The following FOLH1 variants were observed in gnomAD, a reference collection of about 807,000 sequenced individuals.
FOLH1 encodes folate hydrolase 1.
A neutral mutation model predicts 93.9 loss-of-function variants in FOLH1; 54 were observed. The observed-to-expected ratio is 0.57, with a 90% CI of 0.46 to 0.72. The LOEUF is 0.72. Ranked by LOEUF, FOLH1 falls within the 30% of genes least tolerant of loss-of-function variation. The pLI is 0.00. For synonymous variants in FOLH1, 249 were observed against 303.6 expected (o/e 0.82, Z 1.87); for missense variants, 571 against 892.5 (o/e 0.64, Z 4.59).
In FOLH1 at chr11:49,175,900, G is replaced by A. The variant is rs149023247; in HGVS notation, c.978C>T (p.Pro326=). ...DSSWRGSLKV[P]YNVGPGFTGN... ...CAGTAAAGCCAGGTCCAACATTGTA[G>A]GGCACTTTGAGACTTCCTCTCCAGC... Residue 326 remains proline (P), a synonymous_variant, in exon 8 of 19, where the codon CCC becomes CCT. Coordinates refer to ENST00000256999, the MANE Select transcript of FOLH1 (RefSeq NM_004476.3). 1.9e-6 allele frequency: 3 copies of A among 1,613,676 alleles called. No homozygotes were observed. The highest frequency in any genetic ancestry group is 1.3e-5 in the African/African-American group (1 of 74,970).
chr11:49,170,808 T>G (rs1800520492), intron 11 of FOLH1, among the ~76,000 whole-genome samples: 2 of 152,224 alleles, frequency 1.3e-5, no homozygotes, highest in Non-Finnish European at 2.9e-5. Context: ...GGCAAGATAT[T>G]CACTGAAAAG....
At position 49,145,133 on chromosome 11, in the gene FOLH1, T is replaced by C. The variant is rs1855730379; in HGVS notation, c.*1623A>G. Among the ~76,000 whole-genome samples the C allele has an allele frequency of 1.3e-5, 2 of 152,170 alleles. No individual in the cohort carries two copies. The highest frequency in any genetic ancestry group is 4.1e-4 in the South Asian group (2 of 4,836). ...AATACATTTTATTATTCACCAGTTA[T>C]CCAAATTTGGGTTATCCACTCCAAA... On this transcript the variant is annotated 3_prime_UTR_variant, in exon 19 of 19. Coordinates refer to ENST00000256999, the MANE Select transcript of FOLH1 (RefSeq NM_004476.3).
intron 3 of FOLH1, among the ~76,000 whole-genome samples, chr11:49,197,366 G>C (rs772286549): frequency 4.6e-5 from 7 of 152,140 alleles, no homozygotes; most frequent in Non-Finnish European, 1.0e-4. Flanking sequence ...TTAAATTTCA[G>C]TCTTAGAGTA....
chr11:49,171,418 A>T (rs1859268178), intron 10 of FOLH1, 141 bp from the exon 11 acceptor site: 1 of 1,190,938 alleles, frequency 8.4e-7, no homozygotes, highest in East Asian at 2.7e-5. Flanking sequence ...ATCTTTACTT[A>T]CGTAACTTTT....
At chr11:49,174,857 T>G in intron 9 of FOLH1, 35 bp downstream of exon 9, 1 of 1,511,830 alleles carries the variant, frequency 6.6e-7, no homozygotes. Context: ...TAACAGTTAC[T>G]TGATCAATAT....
At chr11:49,189,991 A>T (rs868854063) in intron 4 of FOLH1, among the ~76,000 whole-genome samples, 2 of 152,198 alleles carry the variant, frequency 1.3e-5, no homozygotes, top group Middle Eastern at 3.2e-3. Flanking sequence ...CCAATGTAAT[A>T]TTAATGCACT....
intron 17 of FOLH1, among the ~76,000 whole-genome samples, chr11:49,149,115 GT>G (rs1380580013): frequency 1.3e-5 from 2 of 151,994 alleles, no homozygotes; most frequent in East Asian, 1.9e-4. Context: ...CTGTCGTGGG[GT>G]GGGGTGAGGG....
chr11:49,169,244 G>T lies in FOLH1; in HGVS notation c.1323C>A (p.Leu441=), dbSNP rs761785897. 3.7e-6 allele frequency: 6 copies of T among 1,613,138 alleles called. No homozygotes were observed. In the South Asian group the frequency reaches 6.6e-5, roughly 18 times the overall value. Residue 441 remains leucine (L), a synonymous_variant, in exon 12 of 19, where the codon CTC becomes CTA. Transcript: ENST00000256999. ...TATAAGCCACGCCACGCTCTTGAAGGAGTCTTGAATTCTCCTATAATAAAA... is the reference window on the plus strand; with the variant it reads ...TATAAGCCACGCCACGCTCTTGAAGTAGTCTTGAATTCTCCTATAATAAAA... The part of the protein sequence containing the change: ...STEWAEENSR[L]LQERGVAYIN...
intron 1 of FOLH1, among the ~76,000 whole-genome samples, chr11:49,207,147 C>T (rs1864069923): frequency 6.6e-6 from 1 of 150,766 alleles, no homozygotes; most frequent in South Asian, 2.1e-4. Context: ...ACACTGAGGA[C>T]GAGATGCTTG....
intron 12 of FOLH1, among the ~76,000 whole-genome samples, chr11:49,167,025 CAAT>C (rs1467848584): frequency 5.0e-5 from 6 of 119,638 alleles, no homozygotes; most frequent in African/African-American, 7.7e-5. Flanking sequence ...TTCAAAACAA[CAAT>C]AACAACAACA....
rs2134897066 is a variant in FOLH1, at chr11:49,154,484, G to T, written c.1632C>A (p.Asn544Lys). 1 of 1,572,534 alleles carries T rather than the reference G, an allele frequency of 6.4e-7. No homozygotes were observed. Among genetic ancestry groups the T allele is most frequent in the East Asian group, 2.3e-5 (1 of 43,952 alleles). The change falls in exon 16 of 19, where the codon AAC becomes AAA. Residue 544 changes from asparagine to lysine, a missense_variant. Coordinates refer to ENST00000256999, the MANE Select transcript of FOLH1 (RefSeq NM_004476.3). ...GATACAGTGGATAGCCGCTGAATTT[G>T]TTTGTTTCCTACAGAAAAAACAACA... ...RARYTKNWET[N>K]KFSGYPLYHS... is the part of the protein sequence containing the mutation.
Position 49,148,707 on chromosome 11 carries a change from A to G in FOLH1, c.1995T>C (p.Asn665=), listed in dbSNP as rs764768918. 1.9e-6 allele frequency: 3 copies of G among 1,605,100 alleles called. No individual in the cohort carries two copies. The highest frequency in any genetic ancestry group is 1.7e-6 in the Non-Finnish European group (2 of 1,176,300). The change falls in exon 18 of 19, where the codon AAT becomes AAC. Residue 665 remains asparagine, a synonymous_variant. Coordinates refer to ENST00000256999, the MANE Select transcript of FOLH1 (RefSeq NM_004476.3). The stretch of plus-strand genomic sequence containing the variant: ...CTCTTTCCAGAAACATGAGTTGATC[A>G]TTCATCATTCTTAATACTATTGGGC... ...KSNPIVLRMM[N]DQLMFLERAF... is the part of the protein sequence containing the mutation.
chr11:49,161,750 G>A (rs149127356), intron 13 of FOLH1, among the ~76,000 whole-genome samples: 236 of 152,238 alleles, frequency 1.6e-3, no homozygotes, highest in African/African-American at 5.0e-3. Flanking sequence ...TGTTTTTGTC[G>A]TGGATGGTGA....
intron 12 of FOLH1, among the ~76,000 whole-genome samples, chr11:49,167,919 AAAACC>A (rs1858624250): frequency 1.2e-4 from 2 of 16,630 alleles, no homozygotes; most frequent in African/African-American, 4.1e-4. Flanking sequence ...CACACACAAA[AAAACC>A]AGAAAAAGAA....
At chr11:49,178,496 A>T (rs1007070954) in intron 7 of FOLH1, among the ~76,000 whole-genome samples, 1 of 152,234 alleles carries the variant, frequency 6.6e-6, no homozygotes, top group African/African-American at 2.4e-5. Flanking sequence ...ACAAGGAGGT[A>T]GACAAATAAC....
chr11:49,178,986 A>G (rs561740485), intron 7 of FOLH1, among the ~76,000 whole-genome samples: 1 of 152,350 alleles, frequency 6.6e-6, no homozygotes, highest in Admixed American at 6.5e-5. Flanking sequence ...AATCACTCAG[A>G]AGAAAATACA....
At chr11:49,187,001 T>C (rs1478989382) in intron 4 of FOLH1, among the ~76,000 whole-genome samples, 3 of 152,074 alleles carry the variant, frequency 2.0e-5, no homozygotes, top group Admixed American at 2.0e-4. Flanking sequence ...ATTTGTCCCA[T>C]ATTTAGTGGC....
intron 13 of FOLH1, among the ~76,000 whole-genome samples, chr11:49,163,055 G>T (rs1462458169): frequency 6.6e-6 from 1 of 152,162 alleles, no homozygotes; most frequent in South Asian, 2.1e-4. Flanking sequence ...AGGAGGAAAA[G>T]GATCAGGGAC....
chr11:49,200,648 C>A (rs1168534481), intron 2 of FOLH1, among the ~76,000 whole-genome samples: 1 of 151,992 alleles, frequency 6.6e-6, no homozygotes, highest in Non-Finnish European at 1.5e-5. Context: ...AGAGAAAAAT[C>A]GGAGAAACTG....
Sources: gnomAD v4.1 joint callset for allele counts (sites outside exome capture counted in the v4.1 genomes callset) on GRCh38, gnomAD v4.1.1 for gene constraint, MANE v1.5 for transcripts, NCBI Gene and HGNC (gene_info 2026-07-23, HGNC 2026-07-21) for gene names.